The following SLC15A4 variants were observed in gnomAD, a reference collection of about 807,000 sequenced individuals.
SLC15A4 encodes the protein solute carrier family 15 member 4.
SLC15A4 carries 26 observed loss-of-function variants against 46.1 expected under a neutral mutation model. That is an observed-to-expected ratio of 0.56 (90% CI 0.41 to 0.78). The LOEUF is 0.78. SLC15A4 is among the 30% of genes least tolerant of loss of function. The probability of loss-of-function intolerance (pLI) is 0.00; values close to 1 mark genes in which losing one functional copy is unlikely to be tolerated. For missense variants in SLC15A4, 751 were observed against 755.7 expected, an observed-to-expected ratio of 0.99 and a Z score of 0.07; for synonymous variants, 370 against 333.4, an observed-to-expected ratio of 1.11 and a Z score of -1.20.
rs572507638 is a variant in SLC15A4 at position 128,822,691 on chromosome 12, A to T, written c.546+707T>A. On this transcript the variant is annotated intron_variant, in intron 1 of 7. Coordinates refer to ENST00000266771, the MANE Select transcript of SLC15A4 (RefSeq NM_145648.4). ...CTCAGCCTCCCGACTAGCTGAGAGA[A>T]CAGGTGCCCGCCACCACGCTCGGCT... Among the ~76,000 whole-genome samples, 3 of 152,200 alleles carry T rather than the reference A, an allele frequency of 2.0e-5. No individual in the cohort carries two copies. In the East Asian group the frequency reaches 5.8e-4, roughly 29 times the overall value.
chr12:128,802,317 C>T (rs1185344044), intron 5 of SLC15A4, among the ~76,000 whole-genome samples: 1 of 152,178 alleles, frequency 6.6e-6, no homozygotes, highest in African/African-American at 2.4e-5. Flanking sequence ...CATAGCACTG[C>T]ACCCCTAGCC....
chr12:128,802,330 G>A (rs1419245668), intron 5 of SLC15A4, among the ~76,000 whole-genome samples: 1 of 152,060 alleles, frequency 6.6e-6, no homozygotes, highest in Non-Finnish European at 1.5e-5. Context: ...CCCTAGCCCT[G>A]GCATCAGCGC....
In SLC15A4 at chr12:128,817,702, TGTG is replaced by T. The variant is rs371377576; in HGVS notation, c.547-2635_547-2633del. ...CATTCATCCTCATTTCCTGTGTAAT[TGTG>T]GTGGTCAATTTATTCCAACTCCAAG... On this transcript the variant is annotated intron_variant, in intron 1 of 7. Transcript: ENST00000266771. Among the ~76,000 whole-genome samples the T allele has an allele frequency of 2.9e-3, 438 of 152,344 alleles. 1 individual carries two copies. Among genetic ancestry groups the T allele is most frequent in the African/African-American group, 9.8e-3 (409 of 41,578 alleles).
In SLC15A4 at chr12:128,799,455, G is replaced by C. The variant is rs764917213; in HGVS notation, c.1415-38C>G. ...AAGGGAGGGTCGTTTTTGTGAAAGG[G>C]GCACTTTAACACATGGGATCAAAGC... On this transcript the variant is annotated intron_variant, in intron 6 of 7. Coordinates refer to ENST00000266771, the MANE Select transcript of SLC15A4 (RefSeq NM_145648.4). 42 of 1,611,020 alleles carry C rather than the reference G, an allele frequency of 2.6e-5. 1 individual carries two copies. In the South Asian group the frequency reaches 3.6e-4, roughly 14 times the overall value.
At chr12:128,822,085 C>A (rs918477448) in intron 1 of SLC15A4, among the ~76,000 whole-genome samples, 6 of 152,286 alleles carry the variant, frequency 3.9e-5, no homozygotes, top group African/African-American at 1.4e-4. Flanking sequence ...CGGCCCCAGC[C>A]TTCCACCTCA....
chr12:128,823,833 G>A lies in SLC15A4; in HGVS notation c.111C>T (p.Cys37=), dbSNP rs1334459540. The stretch of plus-strand genomic sequence containing the variant: ...GCAGCTCCGTCAGCAGCACGGCCCC[G>A]CACGCCGCGCGCCGGCCCGCGAACG... ...AGAFAGRRAA[C]GAVLLTELLE... Residue 37 remains cysteine, a synonymous_variant, in exon 1 of 8, where the codon TGC becomes TGT. Coordinates refer to ENST00000266771, the MANE Select transcript of SLC15A4 (RefSeq NM_145648.4). 2.2e-6 allele frequency: 3 copies of A among 1,355,244 alleles called. No homozygotes were observed. Among genetic ancestry groups the A allele is most frequent in the East Asian group, 3.3e-5 (1 of 30,644 alleles). 84.0% of individuals were successfully genotyped at this position (1,355,244 alleles called of 1,614,324 possible).
At chr12:128,822,506 AG>A (rs1955859649) in intron 1 of SLC15A4, among the ~76,000 whole-genome samples, 1 of 152,132 alleles carries the variant, frequency 6.6e-6, no homozygotes, top group South Asian at 2.1e-4. Flanking sequence ...CTGAACTTAC[AG>A]GGCCTGAACA....
At chr12:128,801,358 C>T (rs1955517155) in intron 5 of SLC15A4, 1 of 180,074 alleles carries the variant, frequency 5.6e-6, no homozygotes, top group Non-Finnish European at 1.2e-5. Context: ...AAAAGTCCTA[C>T]TGTAGAATTA....
chr12:128,797,209 C>T (rs1955456079), intron 7 of SLC15A4, among the ~76,000 whole-genome samples: 1 of 151,802 alleles, frequency 6.6e-6, no homozygotes, highest in African/African-American at 2.4e-5. Context: ...CATCTGGGCA[C>T]CCACCGACAA....
chr12:128,820,071 A>G (rs937180180), intron 1 of SLC15A4, among the ~76,000 whole-genome samples: 12 of 152,218 alleles, frequency 7.9e-5, no homozygotes, highest in African/African-American at 2.9e-4. Flanking sequence ...AAGAGGCATA[A>G]TAGAAGCTTT....
intron 2 of SLC15A4, among the ~76,000 whole-genome samples, chr12:128,811,313 T>G (rs1198054598): frequency 2.0e-5 from 3 of 152,266 alleles, no homozygotes; most frequent in Non-Finnish European, 2.9e-5. Flanking sequence ...CCCATTTTAC[T>G]ATGGTGCCAG....
chr12:128,813,490 T>C (rs1466504490), intron 2 of SLC15A4: 2 of 152,128 alleles, frequency 1.3e-5, no homozygotes, highest in Non-Finnish European at 2.9e-5. Context: ...AGGAGCAAAG[T>C]AGGCGCACAG....
In SLC15A4 at chr12:128,823,932, A is replaced by G; in HGVS notation, c.12T>C (p.Ser4=). 1 of 640,668 alleles carries G rather than the reference A, an allele frequency of 1.6e-6. No individual in the cohort carries two copies. Among genetic ancestry groups the G allele is most frequent in the Non-Finnish European group, 1.9e-6 (1 of 517,486 alleles). The allele number at this position is 640,668 out of a possible 1,614,324, so 39.7% of individuals were successfully genotyped here. The change falls in exon 1 of 8, where the codon TCT becomes TCC. Residue 4 remains serine, a synonymous_variant. Coordinates refer to ENST00000266771, the MANE Select transcript of SLC15A4 (RefSeq NM_145648.4). The part of the protein sequence containing the change: MEG[S]GGGAGERAPL... Reference sequence around the variant, plus strand: ...GCGCCCGCTCGCCCGCACCGCCCCCAGAGCCCTCCATGCGACGCCGCCAGC... The same window carrying G: ...GCGCCCGCTCGCCCGCACCGCCCCCGGAGCCCTCCATGCGACGCCGCCAGC...
chr12:128,813,316 G>C (rs556740918), intron 2 of SLC15A4: 1 of 151,538 alleles, frequency 6.6e-6, no homozygotes, highest in African/African-American at 2.4e-5. Context: ...TCAGCCTCCT[G>C]TACTTTAATT....
In SLC15A4 at chr12:128,799,290, G is replaced by A. The variant is rs1593003689; in HGVS notation, c.1542C>T (p.Ala514=). The stretch of plus-strand genomic sequence containing the variant: ...CTGTGTGACTGCTCATCCATCCGAT[G>A]GCTTTGATAGACACCAGTGCCAGCA... The part of the protein sequence containing the change: ...SGLLALVSIK[A]IGWMSSHTDF... The change falls in exon 7 of 8, where the codon GCC becomes GCT. Residue 514 remains alanine (A), a synonymous_variant. Coordinates refer to ENST00000266771, the MANE Select transcript of SLC15A4 (RefSeq NM_145648.4). The A allele has an allele frequency of 1.9e-6, 3 of 1,614,152 alleles. No individual in the cohort carries two copies. Among genetic ancestry groups the A allele is most frequent in the Non-Finnish European group, 2.5e-6 (3 of 1,180,036 alleles).
chr12:128,803,101 G>A lies in SLC15A4; in HGVS notation c.1259-2092C>T, dbSNP rs989389147. 3.6e-5 allele frequency among the ~76,000 whole-genome samples: 5 copies of A among 138,066 alleles called. No individual in the cohort carries two copies. The South Asian group carries it at 9.8e-4, about 27-fold the overall frequency. The allele number at this position is 138,066 out of a possible 152,430, so 90.6% of individuals were successfully genotyped here. A position where few individuals can be genotyped will look rare whatever the true frequency, so the allele number is the denominator to read the frequency against. On this transcript the variant is annotated intron_variant, in intron 5 of 7. Transcript: ENST00000266771. ...AAAAACAAGCATGGGATGCGACGCTGGATAATCAACACAGCAGTCAGGATA... is the reference window on the plus strand; with the variant it reads ...AAAAACAAGCATGGGATGCGACGCTAGATAATCAACACAGCAGTCAGGATA...
At chr12:128,816,430 C>G (rs1407879183) in intron 1 of SLC15A4, among the ~76,000 whole-genome samples, 1 of 152,190 alleles carries the variant, frequency 6.6e-6, no homozygotes, top group Non-Finnish European at 1.5e-5. Flanking sequence ...ATTCTTAAGT[C>G]ACAGGTTATG....
intron 1 of SLC15A4, among the ~76,000 whole-genome samples, chr12:128,822,715 C>A (rs1955864505): frequency 6.6e-6 from 1 of 152,126 alleles, no homozygotes; most frequent in African/African-American, 2.4e-5. Context: ...CCACGCTCGG[C>A]TAATTTTTGT....
At chr12:128,818,175 T>C (rs1955785328) in intron 1 of SLC15A4, among the ~76,000 whole-genome samples, 1 of 151,934 alleles carries the variant, frequency 6.6e-6, no homozygotes, top group South Asian at 2.1e-4. Context: ...CAAGAACGAT[T>C]GTGACCTTTG....
Sources: allele counts gnomAD v4.1 joint callset (sites outside exome capture counted in the v4.1 genomes callset), GRCh38; gene constraint gnomAD v4.1.1; transcripts MANE v1.5; gene names NCBI Gene and HGNC (gene_info 2026-07-23, HGNC 2026-07-21).